The following KCNH8 variants were observed in gnomAD, a reference collection of about 807,000 sequenced individuals.
KCNH8 encodes voltage-gated delayed rectifier potassium channel KCNH8.
A neutral mutation model predicts 103.6 loss-of-function variants in KCNH8; 70 were observed. The ratio of observed to expected loss-of-function variants is 0.68; its 90% CI spans 0.56 to 0.82. The LOEUF is 0.82. Ranked by LOEUF, KCNH8 falls within the 40% of genes least tolerant of loss-of-function variation. The pLI is 0.00. For missense variants in KCNH8, 1,217 were observed against 1,329.9 expected (o/e 0.92, Z 1.32); for synonymous variants, 498 against 489.4 (o/e 1.02, Z -0.23).
chr3:19,437,161 G>A (rs2067211342), intron 7 of KCNH8, among the ~76,000 whole-genome samples: 1 of 152,124 alleles, frequency 6.6e-6, no homozygotes, highest in Non-Finnish European at 1.5e-5. Context: ...TTATTAGAAA[G>A]TAGTAGTTAG....
chr3:19,252,237 C>T (rs2064288141), intron 1 of KCNH8, among the ~76,000 whole-genome samples: 2 of 152,110 alleles, frequency 1.3e-5, no homozygotes, highest in African/African-American at 4.8e-5. Context: ...CCCATGGAAA[C>T]CTTCTCTGAA....
chr3:19,441,786 C>T (rs1439406861), intron 8 of KCNH8, among the ~76,000 whole-genome samples: 2 of 152,120 alleles, frequency 1.3e-5, no homozygotes, highest in Non-Finnish European at 2.9e-5. Flanking sequence ...GAGTTTTGAA[C>T]CTTATAATAG....
intron 3 of KCNH8, among the ~76,000 whole-genome samples, chr3:19,309,260 GA>G (rs1180422520): frequency 6.6e-6 from 1 of 151,948 alleles, no homozygotes; most frequent in Non-Finnish European, 1.5e-5. Flanking sequence ...GCTAAAAGAA[GA>G]GAGGGATGTT....
chr3:19,499,080 C>A (rs1016822808), intron 11 of KCNH8, among the ~76,000 whole-genome samples: 2 of 152,020 alleles, frequency 1.3e-5, no homozygotes, highest in African/African-American at 2.4e-5. Context: ...ATAACCAATA[C>A]AGAGAAGTGC....
At chr3:19,394,780 T>G (rs2066489958) in intron 6 of KCNH8, among the ~76,000 whole-genome samples, 1 of 151,970 alleles carries the variant, frequency 6.6e-6, no homozygotes, top group Non-Finnish European at 1.5e-5. Flanking sequence ...TATGTACAAT[T>G]CTGATACCAT....
chr3:19,416,720 ATCACCTGC>A (rs2066868714), intron 7 of KCNH8, among the ~76,000 whole-genome samples: 1 of 152,210 alleles, frequency 6.6e-6, no homozygotes, highest in African/African-American at 2.4e-5. Flanking sequence ...CACCAATATT[ATCACCTGC>A]CCTGGGATCA....
At position 19,433,058 on chromosome 3, in the gene KCNH8, C is replaced by T. The variant is rs542949493; in HGVS notation, c.1178-5106C>T. On this transcript the variant is annotated intron_variant, in intron 7 of 15. Coordinates refer to ENST00000328405, the MANE Select transcript of KCNH8 (RefSeq NM_144633.3). ...GATGATGCCCTATTTTGGCAATTTA[C>T]GATACTGTACAATCTTTCAATTCAT... Among the ~76,000 whole-genome samples, 374 of 152,068 alleles carry T rather than the reference C, an allele frequency of 2.5e-3. 3 individuals are homozygous for T. The highest frequency in any genetic ancestry group is 7.9e-3 in the African/African-American group (327 of 41,472).
intron 3 of KCNH8, among the ~76,000 whole-genome samples, chr3:19,308,605 A>T (rs2065160372): frequency 2.0e-5 from 3 of 149,216 alleles, no homozygotes; most frequent in African/African-American, 2.5e-5. Context: ...ATTTTTTTTT[A>T]AATTCCAACA....
chr3:19,521,601 A>C (rs2068971769), intron 15 of KCNH8, among the ~76,000 whole-genome samples: 1 of 151,940 alleles, frequency 6.6e-6, no homozygotes, highest in African/African-American at 2.4e-5. Flanking sequence ...TTTTAGAATA[A>C]AATGAAAATG....
chr3:19,322,795 C>T (rs1310810341), intron 3 of KCNH8, among the ~76,000 whole-genome samples: 2 of 152,166 alleles, frequency 1.3e-5, no homozygotes, highest in Admixed American at 1.3e-4. Context: ...GTTTTCCAAA[C>T]TTTTAGATTT....
intron 2 of KCNH8, among the ~76,000 whole-genome samples, chr3:19,276,117 C>T (rs1283039734): frequency 6.6e-6 from 1 of 151,868 alleles, no homozygotes; most frequent in Non-Finnish European, 1.5e-5. Flanking sequence ...AGCCACAATT[C>T]ATAGCAGCCT....
chr3:19,291,189 A>G (rs2125281838), intron 3 of KCNH8, among the ~76,000 whole-genome samples: 1 of 152,222 alleles, frequency 6.6e-6, no homozygotes, highest in Non-Finnish European at 1.5e-5. Flanking sequence ...CTTTTCAAAA[A>G]ACCAGCTCCT....
At chr3:19,299,895 T>G (rs1381518900) in intron 3 of KCNH8, among the ~76,000 whole-genome samples, 1 of 151,862 alleles carries the variant, frequency 6.6e-6, no homozygotes, top group Non-Finnish European at 1.5e-5. Flanking sequence ...AATATTTTAG[T>G]GCATGAATAT....
At chr3:19,373,769 C>T (rs1437085832) in intron 5 of KCNH8, among the ~76,000 whole-genome samples, 2 of 151,804 alleles carry the variant, frequency 1.3e-5, no homozygotes, top group South Asian at 2.1e-4. Flanking sequence ...TCCCTCTACA[C>T]ACTGCTTTGA....
chr3:19,478,000 A>G (rs778277709), intron 11 of KCNH8, among the ~76,000 whole-genome samples: 4 of 152,132 alleles, frequency 2.6e-5, no homozygotes, highest in Non-Finnish European at 5.9e-5. Context: ...CTCCCAAGTG[A>G]GAACATGCAA....
intron 1 of KCNH8, among the ~76,000 whole-genome samples, chr3:19,161,156 A>G (rs74460958): frequency 0.012 from 1,901 of 152,276 alleles, 48 homozygotes; most frequent in African/African-American, 0.043. Context: ...ATGATAAGTG[A>G]TTAGTTAACA....
chr3:19,298,876 C>A lies in KCNH8; in HGVS notation c.442+17547C>A, dbSNP rs9877958. Among the ~76,000 whole-genome samples, 3 of 144,712 alleles carry A rather than the reference C, an allele frequency of 2.1e-5. No individual in the cohort carries two copies. The East Asian group carries it at 6.2e-4, about 30-fold the overall frequency. 94.9% of individuals were successfully genotyped at this position (144,712 alleles called of 152,430 possible). A position where few individuals can be genotyped will look rare whatever the true frequency, so the allele number is the denominator to read the frequency against. Reference sequence around the variant, plus strand: ...GGCGCAGCTTGCAGTGAGCCGAGATCGCGCCACTGCACTCCGGCCTGGGCG... The same window carrying A: ...GGCGCAGCTTGCAGTGAGCCGAGATAGCGCCACTGCACTCCGGCCTGGGCG... On this transcript the variant is annotated intron_variant, in intron 3 of 15. Coordinates refer to ENST00000328405, the MANE Select transcript of KCNH8 (RefSeq NM_144633.3).
chr3:19,152,840 G>A (rs1163120722), intron 1 of KCNH8, among the ~76,000 whole-genome samples: 1 of 152,090 alleles, frequency 6.6e-6, no homozygotes, highest in Admixed American at 6.5e-5. Context: ...GGAGGCTGAG[G>A]CAGGAGAATC....
intron 3 of KCNH8, among the ~76,000 whole-genome samples, chr3:19,301,400 T>C (rs2065062917): frequency 6.7e-6 from 1 of 149,350 alleles, no homozygotes; most frequent in African/African-American, 2.4e-5. Flanking sequence ...AATATAAATA[T>C]ATATAATTTT....
Sources: allele counts gnomAD v4.1 joint callset (sites outside exome capture counted in the v4.1 genomes callset), GRCh38; gene constraint gnomAD v4.1.1; transcripts MANE v1.5; gene names NCBI Gene and HGNC (gene_info 2026-07-23, HGNC 2026-07-21).